The following TSHZ2 variants were observed in gnomAD, a reference collection of about 807,000 sequenced individuals.
TSHZ2 encodes teashirt zinc finger homeobox 2.
A neutral mutation model predicts 74.4 loss-of-function variants in TSHZ2; 21 were observed. That is an observed-to-expected ratio of 0.28 (90% CI 0.20 to 0.41). The LOEUF (loss-of-function observed/expected upper bound fraction) is 0.41. Ranked by LOEUF, TSHZ2 falls within the 10% of genes least tolerant of loss-of-function variation. TSHZ2 has a pLI of 1.00. For synonymous variants in TSHZ2, 540 were observed against 515.3 expected (o/e 1.05, Z -0.65); for missense variants, 1,244 against 1,293.5 (o/e 0.96, Z 0.59).
At chr20:53,469,704 GAGAA>G (rs1481771867) in intron 2 of TSHZ2, among the ~76,000 whole-genome samples, 14 of 84,878 alleles carry the variant, frequency 1.6e-4, no homozygotes, top group African/African-American at 5.5e-4. Flanking sequence ...AAGAAAGATA[GAGAA>G]AGAGAGAGGG....
At chr20:53,025,851 C>G (rs556295465) in intron 1 of TSHZ2, among the ~76,000 whole-genome samples, 5 of 152,292 alleles carry the variant, frequency 3.3e-5, no homozygotes, top group African/African-American at 1.2e-4. Flanking sequence ...ATGACCCTCA[C>G]CTTTAGGAGC....
intron 1 of TSHZ2, among the ~76,000 whole-genome samples, chr20:53,073,490 AG>A (rs1985265074): frequency 6.6e-6 from 1 of 152,236 alleles, no homozygotes; most frequent in African/African-American, 2.4e-5. Flanking sequence ...ACATATGGAT[AG>A]AGACACATCT....
chr20:53,331,117 G>A (rs200607), intron 2 of TSHZ2, among the ~76,000 whole-genome samples: 90,794 of 152,132 alleles, frequency 0.6, 28,586 homozygotes, highest in African/African-American at 0.78. Context: ...CTTGTGTTGA[G>A]TGAGGCTGGG....
At chr20:53,291,858 C>T (rs1991284296) in intron 2 of TSHZ2, among the ~76,000 whole-genome samples, 1 of 152,098 alleles carries the variant, frequency 6.6e-6, no homozygotes, top group Non-Finnish European at 1.5e-5. Flanking sequence ...TCAAGGCAAA[C>T]CTTAATTTCT....
chr20:53,035,099 A>G (rs2123074915), intron 1 of TSHZ2, among the ~76,000 whole-genome samples: 1 of 152,274 alleles, frequency 6.6e-6, no homozygotes, highest in Admixed American at 6.5e-5. Context: ...GCACCACAGG[A>G]TGTAGTAGAG....
At chr20:53,237,712 T>G (rs1374513247) in intron 1 of TSHZ2, among the ~76,000 whole-genome samples, 1 of 152,198 alleles carries the variant, frequency 6.6e-6, no homozygotes, top group Non-Finnish European at 1.5e-5. Flanking sequence ...TTATTATATA[T>G]TTAGAGACAT....
At chr20:53,468,019 A>AG in intron 2 of TSHZ2, among the ~76,000 whole-genome samples, 1 of 152,326 alleles carries the variant, frequency 6.6e-6, no homozygotes, top group Non-Finnish European at 1.5e-5. Context: ...AAGAAAAAAA[A>AG]ATAACACCAC....
At chr20:53,249,938 C>G (rs1214093632) in intron 1 of TSHZ2, among the ~76,000 whole-genome samples, 3 of 152,208 alleles carry the variant, frequency 2.0e-5, no homozygotes, top group African/African-American at 7.2e-5. Flanking sequence ...GCAGGAAGCT[C>G]ATTGTCCAAC....
Position 53,118,624 on chromosome 20 carries a change from G to T in TSHZ2, c.41-134875G>T, listed in dbSNP as rs138129443. On this transcript the variant is annotated intron_variant, in intron 1 of 2. Transcript: ENST00000371497. ...GTATCCCAATGTCAGCCAGTCATCA[G>T]TTATGGGTGTCAGGGAGGTTCCTTA... 3.3e-3 allele frequency among the ~76,000 whole-genome samples: 510 copies of T among 152,276 alleles called. 4 individuals carry two copies. Among genetic ancestry groups the T allele is most frequent in the African/African-American group, 0.011 (473 of 41,554 alleles).
intron 2 of TSHZ2, among the ~76,000 whole-genome samples, chr20:53,378,665 T>C (rs1372177206): frequency 1.3e-5 from 2 of 152,060 alleles, no homozygotes. Flanking sequence ...TGGTAATAAA[T>C]GAAATTTGAG....
chr20:53,420,108 G>A (rs560690918), intron 2 of TSHZ2, among the ~76,000 whole-genome samples: 1 of 152,298 alleles, frequency 6.6e-6, no homozygotes, highest in African/African-American at 2.4e-5. Flanking sequence ...CTGCACTCCT[G>A]GTGTTCACAC....
At chr20:53,016,209 A>G (rs528486710) in intron 1 of TSHZ2, among the ~76,000 whole-genome samples, 2 of 152,260 alleles carry the variant, frequency 1.3e-5, no homozygotes, top group Admixed American at 6.5e-5. Context: ...TCATTTTCCA[A>G]TTCAATCATT....
intron 1 of TSHZ2, among the ~76,000 whole-genome samples, chr20:53,051,634 T>C (rs992870475): frequency 1.3e-5 from 2 of 152,248 alleles, no homozygotes; most frequent in African/African-American, 4.8e-5. Context: ...TTGTCTGAGT[T>C]ACTTACAGGC....
At chr20:53,196,384 A>AAAAAAG (rs1988869112) in intron 1 of TSHZ2, 1 of 150,994 alleles carries the variant, frequency 6.6e-6, no homozygotes, top group East Asian at 1.9e-4. Context: ...AAAAAAAAAA[A>AAAAAAG]AAAAAAAATG....
chr20:53,432,402 C>A (rs1555864358), intron 2 of TSHZ2, among the ~76,000 whole-genome samples: 1 of 152,184 alleles, frequency 6.6e-6, no homozygotes, highest in Non-Finnish European at 1.5e-5. Context: ...GGTTCCATAT[C>A]TTTGCAATTG....
intron 2 of TSHZ2, among the ~76,000 whole-genome samples, chr20:53,366,273 A>T (rs1981253944): frequency 6.6e-6 from 1 of 152,224 alleles, no homozygotes; most frequent in Admixed American, 6.5e-5. Flanking sequence ...CAAGCTATTC[A>T]GTCCCACTGT....
At chr20:53,405,016 G>A (rs1467526690) in intron 2 of TSHZ2, among the ~76,000 whole-genome samples, 3 of 152,182 alleles carry the variant, frequency 2.0e-5, no homozygotes, top group Non-Finnish European at 4.4e-5. Flanking sequence ...TTGGGAGGCC[G>A]ATGTGGGTGG....
At chr20:53,115,609 C>T (rs2123335595) in intron 1 of TSHZ2, among the ~76,000 whole-genome samples, 1 of 152,142 alleles carries the variant, frequency 6.6e-6, no homozygotes, top group South Asian at 2.1e-4. Context: ...ATACAGGTGG[C>T]ATGACAAAAA....
At chr20:53,468,221 T>A (rs1985619777) in intron 2 of TSHZ2, among the ~76,000 whole-genome samples, 1 of 152,224 alleles carries the variant, frequency 6.6e-6, no homozygotes, top group African/African-American at 2.4e-5. Context: ...CCTTTGATTA[T>A]AATTAGGGAT....
Sources: allele counts gnomAD v4.1 joint callset (sites outside exome capture counted in the v4.1 genomes callset), GRCh38; gene constraint gnomAD v4.1.1; transcripts MANE v1.5; gene names NCBI Gene and HGNC (gene_info 2026-07-23, HGNC 2026-07-21).